DAPK3: variants seen among roughly 807,000 people sequenced by gnomAD.
DAPK3 encodes death associated protein kinase 3.
A neutral mutation model predicts 30.6 loss-of-function variants in DAPK3; 24 were observed. That is an observed-to-expected ratio of 0.78 (90% confidence interval 0.57 to 1.10). The LOEUF (loss-of-function observed/expected upper bound fraction) is 1.10, where lower values mean the gene tolerates loss of function less well. Among genes scored for constraint, DAPK3 ranks in the 50% least tolerant of loss-of-function variants. The pLI is 0.00. For synonymous variants in DAPK3, 341 were observed against 284.0 expected, an observed-to-expected ratio of 1.20 and a Z score of -2.02; for missense variants, 629 against 657.3, an observed-to-expected ratio of 0.96 and a Z score of 0.47.
intron 1 of DAPK3, 192 bp downstream of exon 1, chr19:3,970,729 C>G (rs570366093): frequency 6.5e-6 from 1 of 152,892 alleles, no homozygotes; most frequent in African/African-American, 2.4e-5. Context: ...TCCTCTGCCC[C>G]TTCTCGCCCG....
Position 3,965,007 on chromosome 19 carries a change from GGAGT to G in DAPK3, c.63-20_63-17del. The G allele has an allele frequency of 6.7e-7, 1 of 1,496,318 alleles. No homozygotes were observed. The highest frequency in any genetic ancestry group is 1.1e-5 in the South Asian group (1 of 87,534). 92.7% of individuals were successfully genotyped at this position (1,496,318 alleles called of 1,614,324 possible). A position where few individuals can be genotyped will look rare whatever the true frequency, so the allele number is the denominator to read the frequency against. ...AAACTGGCCGCTGGAGGAGGGGGAG[GGAGT>G]GAGTGGGGGTGGAGGAGGCGGAGGG... On this transcript the variant is annotated splice_polypyrimidine_tract_variant and intron_variant, in intron 2 of 8. Transcript: ENST00000545797.
intron 2 of DAPK3, among the ~76,000 whole-genome samples, chr19:3,966,846 G>GT (rs1429847762): frequency 2.0e-5 from 3 of 152,172 alleles, no homozygotes; most frequent in African/African-American, 7.2e-5. Flanking sequence ...ACAGCCCCCG[G>GT]TCTCACTGGC....
At position 3,959,302 on chromosome 19, in the gene DAPK3, G is replaced by T. The variant is rs751550544; in HGVS notation, c.1164C>A (p.Thr388=). The stretch of plus-strand genomic sequence containing the variant: ...CCTGCGCCTGCCGCTTGAGCGCCTC[G>T]GTCTTGAGCAGCTCCTGCCGTAGCC... The part of the protein sequence containing the change: ...LRRLRQELLK[T]EALKRQAQEE... Residue 388 remains threonine (T), a synonymous_variant, in exon 9 of 9, where the codon ACC becomes ACA. Transcript: ENST00000545797. 2.5e-6 allele frequency: 4 copies of T among 1,595,786 alleles called. No homozygotes were observed. The highest frequency in any genetic ancestry group is 3.4e-6 in the Non-Finnish European group (4 of 1,177,906).
At chr19:3,969,018 A>C (rs1056186175) in intron 2 of DAPK3, among the ~76,000 whole-genome samples, 8 of 152,126 alleles carry the variant, frequency 5.3e-5, no homozygotes, top group African/African-American at 1.9e-4. Context: ...CATGTTAAAC[A>C]ATTGACCGAG....
intron 2 of DAPK3, among the ~76,000 whole-genome samples, chr19:3,965,420 C>G (rs1370192255): frequency 6.6e-6 from 1 of 152,192 alleles, no homozygotes; most frequent in Non-Finnish European, 1.5e-5. Flanking sequence ...AGTTCAAGAG[C>G]AGCCTGGCCA....
chr19:3,958,800 G>A lies in DAPK3; in HGVS notation c.*301C>T. On this transcript the variant is annotated 3_prime_UTR_variant, in exon 9 of 9. Transcript: ENST00000545797. ...TGCATTCGGGCCGCCTCTGCGCCTC[G>A]GTGGGTCCCAACCCTCACGGTGCCA... 1 of 566,860 alleles carries A rather than the reference G, an allele frequency of 1.8e-6. No homozygotes were observed. Among genetic ancestry groups the A allele is most frequent in the East Asian group, 3.0e-5 (1 of 33,108 alleles). 35.1% of individuals were successfully genotyped at this position (566,860 alleles called of 1,614,324 possible).
chr19:3,962,957 C>T (rs2039534506), intron 6 of DAPK3, among the ~76,000 whole-genome samples: 2 of 152,020 alleles, frequency 1.3e-5, no homozygotes, highest in African/African-American at 2.4e-5. Context: ...CAAAAATTAG[C>T]TGGGCATGGT....
chr19:3,966,347 G>T (rs1286602774), intron 2 of DAPK3, among the ~76,000 whole-genome samples: 2 of 152,162 alleles, frequency 1.3e-5, no homozygotes, highest in African/African-American at 4.8e-5. Context: ...GTGGGACTCA[G>T]TGGCCCAGGA....
Position 3,959,016 on chromosome 19 carries a change from C to G in DAPK3, c.*85G>C, listed in dbSNP as rs1270021964. Reference sequence around the variant, plus strand: ...CGCTGGGCAAGGACAGGCACCCGGGCGATGGGAGGCGCAGCGTCCACAGGA... The same window carrying G: ...CGCTGGGCAAGGACAGGCACCCGGGGGATGGGAGGCGCAGCGTCCACAGGA... On this transcript the variant is annotated 3_prime_UTR_variant, in exon 9 of 9. Transcript: ENST00000545797. The G allele has an allele frequency of 1.1e-6, 1 of 877,726 alleles. No homozygotes were observed. Among genetic ancestry groups the G allele is most frequent in the African/African-American group, 1.8e-5 (1 of 57,062 alleles). The allele number at this position is 877,726 out of a possible 1,614,324, so 54.4% of individuals were successfully genotyped here.
chr19:3,964,092 AG>A, intron 4 of DAPK3, 151 bp downstream of exon 4: 1 of 825,380 alleles, frequency 1.2e-6, no homozygotes. Flanking sequence ...CACCAAATGG[AG>A]GCCCAGACCT....
intron 2 of DAPK3, among the ~76,000 whole-genome samples, chr19:3,965,345 G>A (rs111941592): frequency 0.019 from 2,921 of 152,324 alleles, 107 homozygotes; most frequent in African/African-American, 0.067. Context: ...GGCCAGGCGC[G>A]GTGGCTCACG....
intron 2 of DAPK3, among the ~76,000 whole-genome samples, chr19:3,967,632 G>GT (rs2039591695): frequency 6.6e-6 from 1 of 152,136 alleles, no homozygotes; most frequent in South Asian, 2.1e-4. Context: ...GTGGGCGCCT[G>GT]TAATTCCAGC....
rs1421371284 is a variant in DAPK3 at position 3,969,772 on chromosome 19, G to A, written c.-37C>T. ...CGCCTTCCAGCAGCTTCCACTCCAG[G>A]GAAAGTGCAGTCACCGCAGCCTGGA... On this transcript the variant is annotated 5_prime_UTR_variant, in exon 2 of 9. Coordinates refer to ENST00000545797, the MANE Select transcript of DAPK3 (RefSeq NM_001348.3). 2.0e-6 allele frequency: 3 copies of A among 1,528,784 alleles called. No homozygotes were observed. In the Admixed American group the frequency reaches 5.0e-5, roughly 26 times the overall value. The allele number at this position is 1,528,784 out of a possible 1,614,324, so 94.7% of individuals were successfully genotyped here.
At position 3,959,159 on chromosome 19, in the gene DAPK3, T is replaced by C. The variant is rs1207319807; in HGVS notation, c.1307A>G (p.Asp436Gly). The C allele has an allele frequency of 6.3e-7, 1 of 1,593,700 alleles. No homozygotes were observed. The highest frequency in any genetic ancestry group is 1.7e-5 in the Admixed American group (1 of 58,996). ...CTCCTGCTCCAGGGCGCGCACGAGG[T>C]CCTGCACGAAGCGCATCTCGGAGGC... ...QVASEMRFVQDLVRALEQEKL... is the reference protein window; with the variant it reads ...QVASEMRFVQGLVRALEQEKL... Residue 436 changes from aspartate (D) to glycine (G), a missense_variant, in exon 9 of 9, where the codon GAC (aspartate) becomes GGC (glycine). Physicochemically the swap from Asp to Gly is moderately conservative, Grantham distance 94 (BLOSUM62 -1). Coordinates refer to ENST00000545797, the MANE Select transcript of DAPK3 (RefSeq NM_001348.3).
intron 8 of DAPK3, 62 bp downstream of exon 8, chr19:3,959,997 C>T (rs746761839): frequency 7.5e-6 from 7 of 935,774 alleles, no homozygotes; most frequent in South Asian, 1.3e-5. Flanking sequence ...GAAGGCCCCC[C>T]GGGACCCCAG....
At position 3,959,335 on chromosome 19, in the gene DAPK3, G is replaced by A. The variant is rs771329507; in HGVS notation, c.1131C>T (p.Asp377=). 6.3e-7 allele frequency: 1 copy of A among 1,591,366 alleles called. No individual in the cohort carries two copies. Among genetic ancestry groups the A allele is most frequent in the Non-Finnish European group, 8.5e-7 (1 of 1,176,222 alleles). Residue 377 remains aspartate, a synonymous_variant, in exon 9 of 9, where the codon GAC becomes GAT. Coordinates refer to ENST00000545797, the MANE Select transcript of DAPK3 (RefSeq NM_001348.3). The part of the protein sequence containing the change: ...YREESDSLGQ[D]LRRLRQELLK... ...GCAGCTCCTGCCGTAGCCTCCGCAG[G>A]TCCTGGCCCAGGCTGTCGCTCTCCT...
In DAPK3 at chr19:3,959,358, C is replaced by T. The variant is rs768714914; in HGVS notation, c.1108G>A (p.Glu370Lys). The stretch of plus-strand genomic sequence containing the variant: ...AGGTCCTGGCCCAGGCTGTCGCTCT[C>T]CTCGCGGTACCAGGCCTCCTTCTCC... ...YEEKEAWYRE[E>K]SDSLGQDLRR... is the part of the protein sequence containing the mutation. Residue 370 changes from glutamate to lysine, a missense_variant, in exon 9 of 9, where the codon GAG (glutamate) becomes AAG (lysine). Physicochemically the swap from Glu to Lys is moderately conservative, Grantham distance 56. Transcript: ENST00000545797. 1.5e-5 allele frequency: 23 copies of T among 1,584,636 alleles called. No individual in the cohort carries two copies. Among genetic ancestry groups the T allele is most frequent in the Non-Finnish European group, 1.8e-5 (21 of 1,173,152 alleles).
Position 3,969,717 on chromosome 19 carries a change from C to G in DAPK3, c.19G>C (p.Glu7Gln). 6.2e-7 allele frequency: 1 copy of G among 1,612,352 alleles called. No individual in the cohort carries two copies. The highest frequency in any genetic ancestry group is 1.7e-5 in the Admixed American group (1 of 60,014). ...ATCTCATAATGGTCCTCCACGTCCT[C>G]CTGCCTGAACGTGGACATGGCGGCC... MSTFRQEDVEDHYEMGE... is the reference protein window; with the variant it reads MSTFRQQDVEDHYEMGE... The change falls in exon 2 of 9, where the codon GAG (glutamate) becomes CAG (glutamine). Residue 7 changes from glutamate (E) to glutamine (Q), a missense_variant. Around this residue, in one of 2 missense-constraint regions of DAPK3, gnomAD observed 306 missense variants for 378.5 expected, o/e 0.81. Transcript: ENST00000545797.
chr19:3,961,034 G>T lies in DAPK3; in HGVS notation c.757C>A (p.Arg253Ser), dbSNP rs1188528193. The change falls in exon 7 of 9, where the codon CGC (arginine) becomes AGC (serine). Residue 253 changes from arginine to serine, a missense_variant. Physicochemically the swap from Arg to Ser is moderately radical, Grantham distance 110. Coordinates refer to ENST00000545797, the MANE Select transcript of DAPK3 (RefSeq NM_001348.3). ...TTGGGATCTTTGACGAGCAGCCGGC[G>T]AATGAAGTCCTTGGCCAGCTCGCTG... The part of the protein sequence containing the change: ...NTSELAKDFI[R>S]RLLVKDPKRR... 3 of 1,613,774 alleles carry T rather than the reference G, an allele frequency of 1.9e-6. No homozygotes were observed. In the South Asian group the frequency reaches 3.3e-5, roughly 18 times the overall value.
Sources: allele counts gnomAD v4.1 joint callset (sites outside exome capture counted in the v4.1 genomes callset), GRCh38; gene constraint gnomAD v4.1.1; regional missense constraint gnomAD v4.1.1; transcripts MANE v1.5; gene names NCBI Gene and HGNC (gene_info 2026-07-23, HGNC 2026-07-21).